The following PLCB4 variants were observed in gnomAD, a reference collection of about 807,000 sequenced individuals.
PLCB4 encodes the protein 1-phosphatidylinositol 4,5-bisphosphate phosphodiesterase beta-4.
Under a neutral mutation model 178.8 loss-of-function variants are expected in PLCB4, and 77 were observed. That is an observed-to-expected ratio of 0.43 (90% CI 0.36 to 0.52). PLCB4 has a LOEUF of 0.52. Among genes scored for constraint, PLCB4 ranks in the 20% least tolerant of loss-of-function variants. The pLI is 0.00. For synonymous variants in PLCB4, 496 were observed against 490.8 expected (o/e 1.01, Z -0.14); for missense variants, 1,024 against 1,453.4 (o/e 0.70, Z 4.80).
chr20:9,071,072 C>T (rs2089548889), intron 1 of PLCB4, among the ~76,000 whole-genome samples: 1 of 152,096 alleles, frequency 6.6e-6, no homozygotes, highest in African/African-American at 2.4e-5. Context: ...CTTACATGTC[C>T]TGGAATCGTG....
In PLCB4 at chr20:9,274,487, C is replaced by G. The variant is rs954181085; in HGVS notation, c.-15-33313C>G. 2.2e-4 allele frequency among the ~76,000 whole-genome samples: 34 copies of G among 152,052 alleles called. 1 individual carries two copies. Among genetic ancestry groups the G allele is most frequent in the African/African-American group, 7.5e-4 (31 of 41,424 alleles). ...AAGACTGAATCTGACTTTTACCCCC[C>G]AAATTATCAGATTCTGACCCTATTT... On this transcript the variant is annotated intron_variant, in intron 3 of 39. Coordinates refer to ENST00000378473, the MANE Select transcript of PLCB4 (RefSeq NM_001377142.1).
intron 36 of PLCB4, among the ~76,000 whole-genome samples, chr20:9,469,718 G>A (rs1469147753): frequency 1.3e-5 from 2 of 152,188 alleles, no homozygotes; most frequent in Admixed American, 1.3e-4. Context: ...GCAGTCATTG[G>A]CCGCCTGAGA....
chr20:9,340,551 C>A (rs1002785056), intron 7 of PLCB4, among the ~76,000 whole-genome samples: 2 of 152,130 alleles, frequency 1.3e-5, no homozygotes, highest in Non-Finnish European at 2.9e-5. Flanking sequence ...TCGTTCAGGT[C>A]ACCTCACTTT....
intron 2 of PLCB4, among the ~76,000 whole-genome samples, chr20:9,176,184 T>C (rs946608186): frequency 3.9e-5 from 6 of 152,240 alleles, no homozygotes; most frequent in Non-Finnish European, 8.8e-5. Flanking sequence ...TTGTTTCCTC[T>C]ATAGCTTTTT....
chr20:9,364,248 T>TA (rs1568658384), intron 8 of PLCB4, among the ~76,000 whole-genome samples: 1 of 152,198 alleles, frequency 6.6e-6, no homozygotes, highest in African/African-American at 2.4e-5. Context: ...CTGATAGTCC[T>TA]AAAGGGTCAA....
chr20:9,293,489 GAGGA>G (rs55792615), intron 3 of PLCB4, among the ~76,000 whole-genome samples: 6,666 of 150,462 alleles, frequency 0.044, 191 homozygotes, highest in South Asian at 0.066. Context: ...AAGAGGACGA[GAGGA>G]AGGAAGGAAG....
intron 38 of PLCB4, among the ~76,000 whole-genome samples, chr20:9,476,472 G>T (rs2044550187): frequency 6.6e-6 from 1 of 152,174 alleles, no homozygotes; most frequent in South Asian, 2.1e-4. Flanking sequence ...TCCACTTACT[G>T]CCACAGAAGA....
chr20:9,263,795 T>A (rs1277565797), intron 3 of PLCB4, among the ~76,000 whole-genome samples: 6 of 152,176 alleles, frequency 3.9e-5, no homozygotes, highest in Non-Finnish European at 1.5e-5. Context: ...AAGAGAAAGA[T>A]AGTTTTTGTG....
Position 9,314,493 on chromosome 20 carries a change from C to T in PLCB4, c.84+6595C>T, listed in dbSNP as rs143003216. 1.3e-3 allele frequency among the ~76,000 whole-genome samples: 198 copies of T among 151,046 alleles called. No homozygotes were observed. In the Middle Eastern group the frequency reaches 0.017, roughly 13 times the overall value. ...TAGAATGAGGTTGGAATTTCTAGCA[C>T]GGGAACTGGACAGCTCTGATGCAAG... On this transcript the variant is annotated intron_variant, in intron 4 of 39. Transcript: ENST00000378473.
chr20:9,072,909 C>A (rs724089), intron 1 of PLCB4, among the ~76,000 whole-genome samples: 4 of 152,020 alleles, frequency 2.6e-5, no homozygotes, highest in Middle Eastern at 3.4e-3. Flanking sequence ...GACATAAATC[C>A]AAGGTTTTTC....
At chr20:9,473,509 C>T (rs887824821) in intron 38 of PLCB4, 144 bp downstream of exon 38, 3 of 434,676 alleles carry the variant, frequency 6.9e-6, no homozygotes, top group Middle Eastern at 7.1e-4. Context: ...ATATTTTCTC[C>T]ATTATATCCA....
chr20:9,316,374 T>G (rs2094899073), intron 4 of PLCB4, among the ~76,000 whole-genome samples: 1 of 152,178 alleles, frequency 6.6e-6, no homozygotes, highest in African/African-American at 2.4e-5. Context: ...TCGTTCTGAT[T>G]GCTATGGGAA....
chr20:9,368,765 T>C (rs2035991964), intron 9 of PLCB4, among the ~76,000 whole-genome samples: 1 of 152,178 alleles, frequency 6.6e-6, no homozygotes, highest in African/African-American at 2.4e-5. Context: ...GTTGCTGTTT[T>C]AGCCACTTGC....
intron 3 of PLCB4, among the ~76,000 whole-genome samples, chr20:9,266,885 C>T (rs2094354761): frequency 6.6e-6 from 1 of 152,038 alleles, no homozygotes; most frequent in South Asian, 2.1e-4. Flanking sequence ...TAACATTAAA[C>T]TGCAAAATGT....
At chr20:9,188,148 A>G (rs2147123385) in intron 2 of PLCB4, among the ~76,000 whole-genome samples, 1 of 152,380 alleles carries the variant, frequency 6.6e-6, no homozygotes, top group South Asian at 2.1e-4. Context: ...AGATGAACAA[A>G]AAATAAAATG....
intron 1 of PLCB4, among the ~76,000 whole-genome samples, chr20:9,073,476 AAG>A (rs2089672013): frequency 6.6e-6 from 1 of 152,214 alleles, no homozygotes; most frequent in Non-Finnish European, 1.5e-5. Flanking sequence ...TAGTGGGTTG[AAG>A]AGAAACACAT....
Position 9,132,284 on chromosome 20 carries a change from TTGTG to T in PLCB4, c.-79+35963_-79+35966del, listed in dbSNP as rs34334709. Among the ~76,000 whole-genome samples, 31 of 149,268 alleles carry T rather than the reference TTGTG, an allele frequency of 2.1e-4. 1 individual carries two copies. Among genetic ancestry groups the T allele is most frequent in the Non-Finnish European group, 2.2e-4 (15 of 66,970 alleles). ...AGCATAGTCAGCAAGGGCATAATGT[TTGTG>T]TGTGTGTGTGTGTGTGTGTGGTTGT... On this transcript the variant is annotated intron_variant, in intron 2 of 39. Transcript: ENST00000378473.
chr20:9,225,707 G>C (rs2093856060), intron 3 of PLCB4, among the ~76,000 whole-genome samples: 1 of 152,144 alleles, frequency 6.6e-6, no homozygotes, highest in African/African-American at 2.4e-5. Context: ...TTCCAGAACT[G>C]AAATATGGAT....
chr20:9,462,046 A>G (rs1166068934), intron 35 of PLCB4, among the ~76,000 whole-genome samples: 3 of 152,118 alleles, frequency 2.0e-5, no homozygotes, highest in Admixed American at 1.3e-4. Context: ...CCCCTCTGGG[A>G]CAAAGCTGCC....
Sources: allele counts gnomAD v4.1 joint callset (sites outside exome capture counted in the v4.1 genomes callset), GRCh38; gene constraint gnomAD v4.1.1; transcripts MANE v1.5; gene names NCBI Gene and HGNC (gene_info 2026-07-23, HGNC 2026-07-21).